PREX1: variants seen among roughly 807,000 people sequenced by gnomAD.
PREX1 encodes phosphatidylinositol 3,4,5-trisphosphate-dependent Rac exchanger 1 protein.
Under a neutral mutation model 198.3 loss-of-function variants are expected in PREX1, and 41 were observed. The ratio of observed to expected loss-of-function variants is 0.21; its 90% CI spans 0.16 to 0.27. The LOEUF (loss-of-function observed/expected upper bound fraction) is 0.27. PREX1 is among the 10% of genes least tolerant of loss of function. The pLI, the probability that PREX1 is intolerant of heterozygous loss-of-function variation, is 1.00. For missense variants in PREX1, 1,620 were observed against 2,200.7 expected, an observed-to-expected ratio of 0.74 and a Z score of 5.28; for synonymous variants, 843 against 887.2, an observed-to-expected ratio of 0.95 and a Z score of 0.89.
chr20:48,651,832 G>A (rs2089500594), intron 21 of PREX1, among the ~76,000 whole-genome samples: 1 of 152,264 alleles, frequency 6.6e-6, no homozygotes, highest in Non-Finnish European at 1.5e-5. Flanking sequence ...CCATCGGAAG[G>A]TTCTCTTCTC....
At chr20:48,729,733 C>CTG (rs1158108411) in intron 4 of PREX1, among the ~76,000 whole-genome samples, 11 of 152,214 alleles carry the variant, frequency 7.2e-5, no homozygotes, top group Admixed American at 4.6e-4. Context: ...CACAACCACG[C>CTG]TGTTCGCAGA....
At position 48,745,832 on chromosome 20, in the gene PREX1, C is replaced by T. The variant is rs117420498; in HGVS notation, c.292-685G>A. Reference sequence around the variant, plus strand: ...CACCCCGCCACACACACAGGATATGCGGCAATTGTCAAGGGACATTTTTGG... The same window carrying T: ...CACCCCGCCACACACACAGGATATGTGGCAATTGTCAAGGGACATTTTTGG... On this transcript the variant is annotated intron_variant, in intron 2 of 39. Transcript: ENST00000371941. Among the ~76,000 whole-genome samples, 357 of 152,214 alleles carry T rather than the reference C, an allele frequency of 2.3e-3. 4 individuals carry two copies. The East Asian group carries it at 0.045, about 19-fold the overall frequency.
chr20:48,866,001 T>C, the PREX1 span, among the ~76,000 whole-genome samples: 1 of 150,260 alleles, frequency 6.7e-6, no homozygotes. Flanking sequence ...CCTGCTGGAG[T>C]GCAATGGTGA....
chr20:48,815,368 T>TAGAC (rs2090454647), intron 1 of PREX1, among the ~76,000 whole-genome samples: 1 of 152,272 alleles, frequency 6.6e-6, no homozygotes, highest in East Asian at 1.9e-4. Context: ...GTCCCTAAGG[T>TAGAC]AGACTATCTG....
In PREX1 at chr20:48,734,633, C is replaced by T. The variant is rs745574814; in HGVS notation, c.432G>A (p.Val144=). The change falls in exon 4 of 40, where the codon GTG becomes GTA. Residue 144 remains valine, a synonymous_variant. Coordinates refer to ENST00000371941, the MANE Select transcript of PREX1 (RefSeq NM_020820.4). ...CATGGTTGCTGCAATACTCCTCGTA[C>T]ACGCAGAACTTGTCCTTCTGCAAGA... ...VFLKFKDKFC[V]YEEYCSNHEK... is the part of the protein sequence containing the mutation. 47 of 1,613,972 alleles carry T rather than the reference C, an allele frequency of 2.9e-5. No homozygotes were observed. The East Asian group carries it at 1.0e-3, about 34-fold the overall frequency.
Position 48,827,728 on chromosome 20 carries a change from G to T in PREX1, c.133C>A (p.Arg45Ser). The T allele has an allele frequency of 7.5e-7, 1 of 1,339,548 alleles. No homozygotes were observed. The highest frequency in any genetic ancestry group is 9.7e-7 in the Non-Finnish European group (1 of 1,030,914). 83.0% of individuals were successfully genotyped at this position (1,339,548 alleles called of 1,614,324 possible). ...GPCAAARESERQLRLRLCVLN... is the reference protein window; with the variant it reads ...GPCAAARESESQLRLRLCVLN... Reference sequence around the variant, plus strand: ...ACGCAGAGGCGGAGGCGCAGCTGGCGCTCGGACTCCCGGGCGGCCGCGCAC... The same window carrying T: ...ACGCAGAGGCGGAGGCGCAGCTGGCTCTCGGACTCCCGGGCGGCCGCGCAC... The change falls in exon 1 of 40, where the codon CGC becomes AGC. Residue 45 changes from arginine (R) to serine (S), a missense_variant. Arg to Ser is a moderately radical substitution (Grantham distance 110). This residue lies in a region of PREX1 where 96 missense variants were observed against 98.7 expected (regional missense o/e 0.97). Coordinates refer to ENST00000371941, the MANE Select transcript of PREX1 (RefSeq NM_020820.4). This position sits in a 1 kb window ranked among gnomAD's most constrained non-coding sequence, Gnocchi z 4.1.
intron 1 of PREX1, among the ~76,000 whole-genome samples, chr20:48,782,373 GC>G (rs977627593): frequency 1.6e-4 from 24 of 152,184 alleles, no homozygotes; most frequent in African/African-American, 5.5e-4. Flanking sequence ...ATTGTCTCTT[GC>G]CCACCTAAGA....
At chr20:48,765,500 C>T (rs915928646) in intron 1 of PREX1, among the ~76,000 whole-genome samples, 5 of 152,166 alleles carry the variant, frequency 3.3e-5, no homozygotes, top group African/African-American at 9.7e-5. Context: ...AACGTGGACA[C>T]GACAACCAGC....
chr20:48,794,246 G>A (rs1473162077), intron 1 of PREX1, among the ~76,000 whole-genome samples: 1 of 152,212 alleles, frequency 6.6e-6, no homozygotes, highest in African/African-American at 2.4e-5. Context: ...GGACCAGCCT[G>A]TGAATGAAGT....
chr20:48,797,229 C>CA (rs2090366970), intron 1 of PREX1, among the ~76,000 whole-genome samples: 1 of 151,946 alleles, frequency 6.6e-6, no homozygotes, highest in African/African-American at 2.4e-5. Context: ...AGCTAGGGTC[C>CA]AGCCCCGCAC....
intron 3 of PREX1, among the ~76,000 whole-genome samples, chr20:48,744,271 C>G (rs1486174965): frequency 1.3e-5 from 2 of 152,176 alleles, no homozygotes; most frequent in African/African-American, 4.8e-5. Flanking sequence ...CTGAGAAGCT[C>G]TGCTCTAGAC....
Position 48,691,012 on chromosome 20 carries a change from G to A in PREX1, c.1121C>T (p.Ala374Val), listed in dbSNP as rs967726061. ...CTTCTGCTTCTCCTCTGCCGTCTTG[G>A]CCATGCAGACAAACCACTTATTCTT... ...TAKNKWFVCM[A>V]KTAEEKQKWL... Residue 374 changes from alanine to valine, a missense_variant, in exon 9 of 40, where the codon GCC becomes GTC. Ala to Val is a moderately conservative substitution (Grantham distance 64). This residue lies in a region of PREX1 where 488 missense variants were observed against 802.5 expected (regional missense o/e 0.61). Coordinates refer to ENST00000371941, the MANE Select transcript of PREX1 (RefSeq NM_020820.4). This position sits in a 1 kb window ranked among gnomAD's most constrained non-coding sequence, Gnocchi z 5.0. 3 of 1,614,222 alleles carry A rather than the reference G, an allele frequency of 1.9e-6. No homozygotes were observed. The highest frequency in any genetic ancestry group is 1.1e-5 in the South Asian group (1 of 91,088).
chr20:48,706,622 A>AG (rs2089904155), intron 6 of PREX1, among the ~76,000 whole-genome samples: 1 of 152,164 alleles, frequency 6.6e-6, no homozygotes, highest in African/African-American at 2.4e-5. Flanking sequence ...TGGTGCCTGG[A>AG]GCTGCCGCCT....
At chr20:48,786,819 AAG>A (rs2090314572) in intron 1 of PREX1, among the ~76,000 whole-genome samples, 3 of 42,602 alleles carry the variant, frequency 7.0e-5, no homozygotes, top group African/African-American at 1.3e-4. Context: ...AGGAAAGAAA[AAG>A]AGAGAGAGAG....
intron 1 of PREX1, among the ~76,000 whole-genome samples, chr20:48,825,000 G>A (rs1390782986): frequency 2.6e-5 from 4 of 152,132 alleles, no homozygotes; most frequent in East Asian, 3.8e-4. Flanking sequence ...GAGACAGCAG[G>A]GAAAATCCCT....
At chr20:48,641,429 T>C (rs980266815) in intron 29 of PREX1, among the ~76,000 whole-genome samples, 5 of 152,276 alleles carry the variant, frequency 3.3e-5, no homozygotes, top group Non-Finnish European at 5.9e-5. Context: ...AATTAAATTT[T>C]TTAAGAGTGA....
chr20:48,766,350 G>A (rs969753808), intron 1 of PREX1, among the ~76,000 whole-genome samples: 7 of 152,080 alleles, frequency 4.6e-5, no homozygotes, highest in Non-Finnish European at 8.8e-5. Flanking sequence ...CAAAGGGATC[G>A]TCACAAAAGG....
Position 48,637,636 on chromosome 20 carries a change from G to C in PREX1, c.3946+75C>G. ...CGTTGCCTCCCCCCGTCCAGGCCCC[G>C]AGGGCATGGATGGTCGGCCTTGGGT... On this transcript the variant is annotated intron_variant, in intron 31 of 39. Coordinates refer to ENST00000371941, the MANE Select transcript of PREX1 (RefSeq NM_020820.4). 8 of 1,400,952 alleles carry C rather than the reference G, an allele frequency of 5.7e-6. No homozygotes were observed. The South Asian group carries it at 1.1e-4, about 19-fold the overall frequency. The allele number at this position is 1,400,952 out of a possible 1,614,324, so 86.8% of individuals were successfully genotyped here.
intron 10 of PREX1, among the ~76,000 whole-genome samples, chr20:48,686,938 T>C (rs2038178): frequency 0.26 from 39,103 of 152,154 alleles, 6,372 homozygotes; most frequent in African/African-American, 0.46. Flanking sequence ...CATTTCAGCC[T>C]CCACCGGGCT....
Sources: gnomAD v4.1 joint callset for allele counts (sites outside exome capture counted in the v4.1 genomes callset) on GRCh38, gnomAD v4.1.1 for gene constraint, gnomAD v4.1.1 regional missense constraint, Gnocchi (gnomAD v3.1) non-coding constraint, MANE v1.5 for transcripts, NCBI Gene and HGNC (gene_info 2026-07-23, HGNC 2026-07-21) for gene names.